Variants in OR51B5 observed in about 807,000 individuals in gnomAD.
OR51B5 encodes the protein olfactory receptor 51B5.
For synonymous variants in OR51B5, 186 were observed against 144.8 expected, an observed-to-expected ratio of 1.28 and a Z score of -2.04; for missense variants, 456 against 374.6, an observed-to-expected ratio of 1.22 and a Z score of -1.79.
rs150093590 is a variant in OR51B5, at chr11:5,382,784, C to A, written n.85-35874G>T. On this transcript the variant is annotated intron_variant and non_coding_transcript_variant, in intron 1 of 4. Transcript: ENST00000415970. ...CTGGCCCTAACAACCAGTTACTTAC[C>A]CGGTGTAAGGTGGTGCCACTTCTGT... 2.8e-4 allele frequency among the ~76,000 whole-genome samples: 43 copies of A among 152,276 alleles called. 1 individual carries two copies. The highest frequency in any genetic ancestry group is 4.0e-4 in the Non-Finnish European group (27 of 68,018).
At chr11:5,390,433 T>C in intron 1 of OR51B5, 1 of 1,444,044 alleles carries the variant, frequency 6.9e-7, no homozygotes. Flanking sequence ...CAAATTGGAC[T>C]GAAAATTTGG....
chr11:5,504,432 C>G (rs749745060), intron 1 of OR51B5, among the ~76,000 whole-genome samples: 3 of 152,166 alleles, frequency 2.0e-5, no homozygotes, highest in Non-Finnish European at 4.4e-5. Context: ...AACTCTGTGA[C>G]TCTATCTTCT....
chr11:5,419,008 G>A (rs920327023), intron 1 of OR51B5, among the ~76,000 whole-genome samples: 1 of 151,680 alleles, frequency 6.6e-6, no homozygotes, highest in Admixed American at 6.6e-5. Flanking sequence ...CTCATTTTTT[G>A]AGTCATGTGC....
chr11:5,500,603 G>C (rs549340387), intron 1 of OR51B5, among the ~76,000 whole-genome samples: 1 of 147,826 alleles, frequency 6.8e-6, no homozygotes, highest in African/African-American at 2.4e-5. Flanking sequence ...AAGCCGCTTC[G>C]ACGAGGACAT....
At chr11:5,444,568 A>G (rs550484916) in intron 1 of OR51B5, among the ~76,000 whole-genome samples, 1 of 152,268 alleles carries the variant, frequency 6.6e-6, no homozygotes, top group East Asian at 1.9e-4. Context: ...TAAAATCTAG[A>G]TAAAGAGGTC....
At chr11:5,404,986 G>A (rs1235998991) in intron 1 of OR51B5, among the ~76,000 whole-genome samples, 2 of 152,040 alleles carry the variant, frequency 1.3e-5, no homozygotes, top group Non-Finnish European at 2.9e-5. Flanking sequence ...GAGGGTCCTC[G>A]GCTTCATTCT....
chr11:5,450,186 C>T (rs951514421), intron 1 of OR51B5, among the ~76,000 whole-genome samples: 21 of 151,552 alleles, frequency 1.4e-4, no homozygotes, highest in Admixed American at 4.6e-4. Flanking sequence ...GTCAGGTGTT[C>T]GAGACCAGCC....
chr11:5,477,308 A>C (rs1006168992), intron 1 of OR51B5, among the ~76,000 whole-genome samples: 2 of 152,184 alleles, frequency 1.3e-5, no homozygotes, highest in Non-Finnish European at 2.9e-5. Flanking sequence ...TTATCCCTTG[A>C]GATGAGCACA....
chr11:5,418,196 A>T (rs1850270870), intron 1 of OR51B5, among the ~76,000 whole-genome samples: 1 of 152,064 alleles, frequency 6.6e-6, no homozygotes, highest in South Asian at 2.1e-4. Flanking sequence ...ATAGGTGGGA[A>T]TTAAACAATG....
chr11:5,420,971 C>T (rs1850324909), intron 1 of OR51B5, among the ~76,000 whole-genome samples: 1 of 152,174 alleles, frequency 6.6e-6, no homozygotes, highest in Non-Finnish European at 1.5e-5. Flanking sequence ...CCCCTGTAAA[C>T]TCTATCCCAG....
chr11:5,344,811 G>C (rs1848964822), upstream of OR51B5, among the ~76,000 whole-genome samples: 1 of 152,020 alleles, frequency 6.6e-6, no homozygotes, highest in Non-Finnish European at 1.5e-5. Context: ...AAATAAATAA[G>C]ACAATTTTAA....
upstream of OR51B5, chr11:5,343,740 T>G: frequency 2.4e-6 from 1 of 421,150 alleles, no homozygotes; most frequent in Non-Finnish European, 4.2e-6. Context: ...ATCTCCTACC[T>G]ACGTAATCAA....
Position 5,342,728 on chromosome 11 carries a change from ACCTGCTTT to A in OR51B5, c.789_796del (p.Lys264SerfsTer25). 6.2e-7 allele frequency: 1 copy of A among 1,613,888 alleles called. No homozygotes were observed. The highest frequency in any genetic ancestry group is 8.5e-7 in the Non-Finnish European group (1 of 1,179,822). On this transcript the variant is annotated frameshift_variant, in exon 1 of 1. Coordinates refer to ENST00000300773, the Ensembl canonical transcript of OR51B5. LOFTEE classifies it low-confidence loss of function (END_TRUNC). Reference sequence around the variant, plus strand: ...CATAATGAGGTGAACAATATGTGGAACCTGCTTTCCAAAACGATGAATCAGAGACAATC... The same window carrying A: ...CATAATGAGGTGAACAATATGTGGAACCAAAACGATGAATCAGAGACAATC...
intron 1 of OR51B5, among the ~76,000 whole-genome samples, chr11:5,427,137 CCCTTCT>C (rs1280201447): frequency 3.9e-5 from 6 of 152,162 alleles, no homozygotes; most frequent in Admixed American, 1.3e-4. Context: ...CTTACATTTC[CCCTTCT>C]CCTTCTCCCC....
chr11:5,500,080 T>G (rs943148524), intron 1 of OR51B5, among the ~76,000 whole-genome samples: 1 of 152,162 alleles, frequency 6.6e-6, no homozygotes, highest in African/African-American at 2.4e-5. Context: ...GCTAGACCAT[T>G]TTGCAAAGGA....
chr11:5,436,401 T>C (rs10838102), intron 1 of OR51B5, among the ~76,000 whole-genome samples: 74,447 of 152,176 alleles, frequency 0.49, 19,368 homozygotes, highest in Non-Finnish European at 0.58. Flanking sequence ...TCGAGGTTAA[T>C]GGTCTTTCAG....
At chr11:5,362,103 C>T (rs1282412598) in intron 1 of OR51B5, among the ~76,000 whole-genome samples, 1 of 152,156 alleles carries the variant, frequency 6.6e-6, no homozygotes, top group Non-Finnish European at 1.5e-5. Flanking sequence ...AAAATGTATG[C>T]AAATCCTTAT....
intron 1 of OR51B5, among the ~76,000 whole-genome samples, chr11:5,459,171 G>A (rs1288493791): frequency 6.6e-6 from 1 of 152,132 alleles, no homozygotes. Context: ...AAAGGATGCT[G>A]AATTATGTCA....
chr11:5,379,047 G>A (rs1849570818), intron 1 of OR51B5, among the ~76,000 whole-genome samples: 2 of 150,988 alleles, frequency 1.3e-5, no homozygotes, highest in South Asian at 4.2e-4. Flanking sequence ...CAATAGCAAA[G>A]ACTTGGAACC....
Sources: allele counts gnomAD v4.1 joint callset (sites outside exome capture counted in the v4.1 genomes callset), GRCh38; gene constraint gnomAD v4.1.1; transcripts MANE v1.5; gene names NCBI Gene and HGNC (gene_info 2026-07-23, HGNC 2026-07-21).